FHDC1: variants seen among roughly 807,000 people sequenced by gnomAD.
FHDC1 encodes the protein FH2 domain-containing protein 1.
In FHDC1, 25 loss-of-function variants were observed where a neutral mutation model predicts 52.6. That is an observed-to-expected ratio of 0.48 (90% confidence interval 0.35 to 0.66). FHDC1 has a LOEUF of 0.66. Among genes scored for constraint, FHDC1 ranks in the 30% least tolerant of loss-of-function variants. The pLI, the probability that FHDC1 is intolerant of heterozygous loss-of-function variation, is 0.01. For missense variants in FHDC1, 1,459 were observed against 1,452.8 expected (o/e 1.00, Z -0.07); for synonymous variants, 616 against 581.5 (o/e 1.06, Z -0.85).
chr4:152,922,487 A>T, the FHDC1 span, among the ~76,000 whole-genome samples: 1 of 151,674 alleles, frequency 6.6e-6, no homozygotes, highest in Non-Finnish European at 1.5e-5. Flanking sequence ...AAAAGAGGGA[A>T]TCCTCCCTAA....
chr4:152,964,135 A>G (rs1740381346), intron 8 of FHDC1, among the ~76,000 whole-genome samples: 1 of 152,132 alleles, frequency 6.6e-6, no homozygotes, highest in Non-Finnish European at 1.5e-5. Context: ...ACTTACCCCA[A>G]AACTAGGTAA....
chr4:152,960,405 A>G (rs1740243222), intron 4 of FHDC1, among the ~76,000 whole-genome samples, 160 bp from the exon 5 acceptor site: 1 of 152,238 alleles, frequency 6.6e-6, no homozygotes, highest in African/African-American at 2.4e-5. Context: ...AAAAAACCAA[A>G]TAGCAGATGG....
In FHDC1 at chr4:152,974,824, T is replaced by C; in HGVS notation, c.1533T>C (p.Gly511=). ...ATGTGGAGCTGCTGACCAAGAAGGG[T>C]GCAGAGGGCCTGCTCCCTTTCCTGC... The part of the protein sequence containing the change: ...ENDVELLTKK[G]AEGLLPFLHP... Residue 511 remains glycine, a synonymous_variant, in exon 12 of 12, where the codon GGT becomes GGC. Transcript: ENST00000511601. The C allele has an allele frequency of 6.3e-7, 1 of 1,589,130 alleles. No homozygotes were observed. The highest frequency in any genetic ancestry group is 1.1e-5 in the South Asian group (1 of 88,392).
At chr4:152,917,997 AC>A in the FHDC1 span, among the ~76,000 whole-genome samples, 366 of 152,336 alleles carry the variant, frequency 2.4e-3, 2 homozygotes, top group African/African-American at 8.3e-3. Context: ...TCTATAAGAG[AC>A]CTTGCCTAAA....
At chr4:152,926,666 T>TA in the FHDC1 span, among the ~76,000 whole-genome samples, 1 of 152,096 alleles carries the variant, frequency 6.6e-6, no homozygotes, top group African/African-American at 2.4e-5. Flanking sequence ...TTTTTTTCTT[T>TA]TGCTGGCCGT....
At chr4:152,930,997 A>ACACACTCTCTCT in the FHDC1 span, among the ~76,000 whole-genome samples, 1 of 113,146 alleles carries the variant, frequency 8.8e-6, no homozygotes, top group Non-Finnish European at 1.9e-5. Context: ...ACACACACAC[A>ACACACTCTCTCT]CTCTCTCTCT....
At position 152,943,671 on chromosome 4, in the gene FHDC1, G is replaced by A. The variant is rs1739645650; in HGVS notation, c.498+116G>A. 1.0e-5 allele frequency: 13 copies of A among 1,256,262 alleles called. No homozygotes were observed. In the South Asian group the frequency reaches 1.4e-4, roughly 13 times the overall value. 77.8% of individuals were successfully genotyped at this position (1,256,262 alleles called of 1,614,324 possible). ...CCCTAAGAAATGAGATAATACAAGC[G>A]AATCTGCCTTGGAAATGCTAGGCAG... On this transcript the variant is annotated intron_variant, in intron 2 of 11. Transcript: ENST00000511601.
chr4:152,970,934 T>C (rs1387548770), intron 10 of FHDC1, among the ~76,000 whole-genome samples: 3 of 152,224 alleles, frequency 2.0e-5, no homozygotes, highest in South Asian at 4.1e-4. Flanking sequence ...ACTTTAGCTT[T>C]ACCATTTCCC....
the FHDC1 span, among the ~76,000 whole-genome samples, chr4:152,930,995 ACACT>A: frequency 4.3e-3 from 599 of 139,440 alleles, no homozygotes; most frequent in Admixed American, 6.8e-3. Context: ...ACACACACAC[ACACT>A]CTCTCTCTCT....
At chr4:152,967,045 A>G (rs1197530129) in intron 9 of FHDC1, among the ~76,000 whole-genome samples, 1 of 152,194 alleles carries the variant, frequency 6.6e-6, no homozygotes, top group Non-Finnish European at 1.5e-5. Context: ...ACCTGAGCCC[A>G]GGAGGTCAGT....
the FHDC1 span, among the ~76,000 whole-genome samples, chr4:152,928,948 G>T: frequency 1.3e-5 from 2 of 151,630 alleles, no homozygotes; most frequent in African/African-American, 4.8e-5. Context: ...TTGAAATAAA[G>T]GATTTAGTTT....
In FHDC1 at chr4:152,978,656, G is replaced by A. The variant is rs528320451; in HGVS notation, c.*1933G>A. The A allele has an allele frequency of 6.6e-6, 1 of 151,668 alleles. No homozygotes were observed. Among genetic ancestry groups the A allele is most frequent in the Non-Finnish European group, 1.5e-5 (1 of 67,906 alleles). The allele number at this position is 151,668 out of a possible 1,614,324, so 9.4% of individuals were successfully genotyped here. On this transcript the variant is annotated 3_prime_UTR_variant, in exon 12 of 12. Coordinates refer to ENST00000511601, the MANE Select transcript of FHDC1 (RefSeq NM_001371116.1). ...TTTTTTTTTTAAGAAACTTTTTTGT[G>A]TTTTTTTTAATTTTAGGTCACTTAT...
chr4:152,952,989 G>A lies in FHDC1; in HGVS notation c.499-510G>A, dbSNP rs114344561. ...TCTACAAAACATACAAAATTTAGCCGGGCATAGTGGTGCATGCCTGTAGTC... is the reference window on the plus strand; with the variant it reads ...TCTACAAAACATACAAAATTTAGCCAGGCATAGTGGTGCATGCCTGTAGTC... On this transcript the variant is annotated intron_variant, in intron 2 of 11. Transcript: ENST00000511601. Among the ~76,000 whole-genome samples, 867 of 152,120 alleles carry A rather than the reference G, an allele frequency of 5.7e-3. 10 individuals carry two copies. The highest frequency in any genetic ancestry group is 0.02 in the African/African-American group (810 of 41,494).
At chr4:152,913,550 G>A in the FHDC1 span, among the ~76,000 whole-genome samples, 18 of 152,180 alleles carry the variant, frequency 1.2e-4, 1 homozygote, top group Admixed American at 5.2e-4. Flanking sequence ...TGCTAATTTC[G>A]TAAAGTACTA....
intron 2 of FHDC1, among the ~76,000 whole-genome samples, chr4:152,950,190 A>AC (rs1423186043): frequency 6.6e-6 from 1 of 152,104 alleles, no homozygotes; most frequent in Non-Finnish European, 1.5e-5. Flanking sequence ...ACCCAACCCG[A>AC]CCCGACTTTG....
In FHDC1 at chr4:152,975,123, C is replaced by T. The variant is rs1177509920; in HGVS notation, c.1832C>T (p.Ala611Val). 1.2e-6 allele frequency: 2 copies of T among 1,612,646 alleles called. No homozygotes were observed. Among genetic ancestry groups the T allele is most frequent in the Non-Finnish European group, 8.5e-7 (1 of 1,179,974 alleles). ...CAGGCCTCGGGGGGCCAGGAGGAGGCCCCCAACCCACCCTCAGCACAGGCG... is the reference window on the plus strand; with the variant it reads ...CAGGCCTCGGGGGGCCAGGAGGAGGTCCCCAACCCACCCTCAGCACAGGCG... ...KPQASGGQEEAPNPPSAQAHQ... is the reference protein window; with the variant it reads ...KPQASGGQEEVPNPPSAQAHQ... The change falls in exon 12 of 12, where the codon GCC becomes GTC. Residue 611 changes from alanine to valine, a missense_variant. By Grantham distance (64) the Ala-to-Val change is moderately conservative. Coordinates refer to ENST00000511601, the MANE Select transcript of FHDC1 (RefSeq NM_001371116.1).
rs1024309546 is a variant in FHDC1 at position 152,978,575 on chromosome 4, A to T, written c.*1852A>T. The T allele has an allele frequency of 5.3e-5, 8 of 152,298 alleles. No individual in the cohort carries two copies. The highest frequency in any genetic ancestry group is 8.8e-5 in the Non-Finnish European group (6 of 68,028). 9.4% of individuals were successfully genotyped at this position (152,298 alleles called of 1,614,324 possible). A position where few individuals can be genotyped will look rare whatever the true frequency, so the allele number is the denominator to read the frequency against. ...TGAAAACATGGGACTTTTTCTACCC[A>T]ATGCCCATTTCACGACTCCTCTGAG... On this transcript the variant is annotated 3_prime_UTR_variant, in exon 12 of 12. Transcript: ENST00000511601.
At chr4:152,927,728 C>T in the FHDC1 span, 26 of 1,477,136 alleles carry the variant, frequency 1.8e-5, no homozygotes, top group Middle Eastern at 2.3e-4. Context: ...TGAGGTTTCT[C>T]GACAGCAGGA....
At chr4:152,916,002 T>G in the FHDC1 span, among the ~76,000 whole-genome samples, 2 of 152,144 alleles carry the variant, frequency 1.3e-5, no homozygotes, top group Non-Finnish European at 2.9e-5. Flanking sequence ...GTATTTTACC[T>G]TAAATTCCAG....
Sources: allele counts gnomAD v4.1 joint callset (sites outside exome capture counted in the v4.1 genomes callset), GRCh38; gene constraint gnomAD v4.1.1; transcripts MANE v1.5; gene names NCBI Gene and HGNC (gene_info 2026-07-23, HGNC 2026-07-21).